The following GRM1 variants were observed in gnomAD, a reference collection of about 807,000 sequenced individuals.
GRM1 encodes glutamate metabotropic receptor 1.
GRM1 carries 33 observed loss-of-function variants against 90.9 expected under a neutral mutation model. The ratio of observed to expected loss-of-function variants is 0.36; its 90% CI spans 0.28 to 0.49. The LOEUF (loss-of-function observed/expected upper bound fraction) is 0.49, where lower values mean the gene tolerates loss of function less well. Among genes scored for constraint, GRM1 ranks in the 20% least tolerant of loss-of-function variants. GRM1 has a pLI of 0.99. For missense variants in GRM1, 1,190 were observed against 1,534.3 expected (o/e 0.78, Z 3.75); for synonymous variants, 700 against 613.2 (o/e 1.14, Z -2.09).
intron 7 of GRM1, chr6:146,426,486 G>T: frequency 2.2e-6 from 3 of 1,381,992 alleles, no homozygotes; most frequent in Non-Finnish European, 3.0e-6. Flanking sequence ...CTGCCTGAGT[G>T]GTGGACTTGC....
chr6:146,091,718 T>C (rs931513271), intron 1 of GRM1, among the ~76,000 whole-genome samples: 1 of 152,100 alleles, frequency 6.6e-6, no homozygotes, highest in African/African-American at 2.4e-5. Context: ...AATGTAGATA[T>C]GGGACTCAGC....
intron 1 of GRM1, among the ~76,000 whole-genome samples, chr6:146,145,705 A>G (rs552108385): frequency 6.6e-6 from 1 of 152,324 alleles, no homozygotes; most frequent in South Asian, 2.1e-4. Context: ...CACTGCAGAG[A>G]TATCCCACTA....
At chr6:146,262,841 C>CATAT (rs201303660) in intron 2 of GRM1, among the ~76,000 whole-genome samples, 23 of 151,156 alleles carry the variant, frequency 1.5e-4, no homozygotes, top group African/African-American at 4.9e-4. Context: ...TAAATGTATA[C>CATAT]ATATATATAT....
At chr6:146,325,191 T>C (rs1784361703) in intron 3 of GRM1, among the ~76,000 whole-genome samples, 1 of 152,168 alleles carries the variant, frequency 6.6e-6, no homozygotes, top group Admixed American at 6.5e-5. Context: ...CTTCTCTGTT[T>C]AAAGGTTTTG....
At chr6:146,049,249 G>A (rs1218051918) in intron 1 of GRM1, among the ~76,000 whole-genome samples, 1 of 151,964 alleles carries the variant, frequency 6.6e-6, no homozygotes, top group Non-Finnish European at 1.5e-5. Context: ...CGGATAGCTG[G>A]TAAAGCATCA....
Position 146,122,839 on chromosome 6 carries a change from C to CTTTTTTTTTTTTTTTTTTTT in GRM1, c.701-36503_701-36484dup, listed in dbSNP as rs57859188. Among the ~76,000 whole-genome samples, 8 of 62,204 alleles carry CTTTTTTTTTTTTTTTTTTTT rather than the reference C, an allele frequency of 1.3e-4. 1 individual carries two copies. The highest frequency in any genetic ancestry group is 2.3e-4 in the Non-Finnish European group (8 of 34,714). 40.8% of individuals were successfully genotyped at this position (62,204 alleles called of 152,430 possible). A position where few individuals can be genotyped will look rare whatever the true frequency, so the allele number is the denominator to read the frequency against. On this transcript the variant is annotated intron_variant, in intron 1 of 7. Transcript: ENST00000282753. Reference sequence around the variant, plus strand: ...TCTTTTTCTTTCTTTTCTTTTCTTTCTTTTTTTTTTTTTTTTTTTTTTTTT... The same window carrying CTTTTTTTTTTTTTTTTTTTT: ...TCTTTTTCTTTCTTTTCTTTTCTTTCTTTTTTTTTTTTTTTTTTTTTTTTTTTTTTTTTTTTTTTTTTTTT...
chr6:146,326,783 T>C (rs917022678), intron 3 of GRM1, among the ~76,000 whole-genome samples: 1 of 152,174 alleles, frequency 6.6e-6, no homozygotes, highest in Non-Finnish European at 1.5e-5. Flanking sequence ...TGCCTGGATG[T>C]GTTTTATGCA....
chr6:146,321,289 A>C (rs185929267), intron 3 of GRM1, among the ~76,000 whole-genome samples: 5 of 152,300 alleles, frequency 3.3e-5, no homozygotes, highest in Non-Finnish European at 7.4e-5. Context: ...GTTTTGAGTG[A>C]GTTTTTTAAT....
At chr6:146,260,969 G>A (rs73783676) in intron 2 of GRM1, among the ~76,000 whole-genome samples, 122 of 151,822 alleles carry the variant, frequency 8.0e-4, no homozygotes, top group Middle Eastern at 3.4e-3. Context: ...GGCAAAAGCC[G>A]GGGTAGAGAC....
At chr6:146,125,601 G>T (rs1383216636) in intron 1 of GRM1, among the ~76,000 whole-genome samples, 1 of 151,822 alleles carries the variant, frequency 6.6e-6, no homozygotes, top group Non-Finnish European at 1.5e-5. Flanking sequence ...TAAGAGTGTA[G>T]GTCTATATGC....
At chr6:146,265,835 T>G (rs1781865388) in intron 2 of GRM1, among the ~76,000 whole-genome samples, 1 of 152,218 alleles carries the variant, frequency 6.6e-6, no homozygotes, top group East Asian at 1.9e-4. Context: ...TGGCTTTACT[T>G]ATGGGTTGTC....
At chr6:146,161,629 T>C (rs1052178087) in intron 2 of GRM1, among the ~76,000 whole-genome samples, 1 of 152,148 alleles carries the variant, frequency 6.6e-6, no homozygotes, top group South Asian at 2.1e-4. Flanking sequence ...AGGACACTGC[T>C]TTCTGTGCTA....
intron 2 of GRM1, among the ~76,000 whole-genome samples, chr6:146,262,669 A>G (rs1781746061): frequency 6.6e-6 from 1 of 151,944 alleles, no homozygotes; most frequent in African/African-American, 2.4e-5. Flanking sequence ...ATACACATAT[A>G]TAAACACAAT....
chr6:146,109,533 G>T (rs1450656792), intron 1 of GRM1, among the ~76,000 whole-genome samples: 1 of 152,260 alleles, frequency 6.6e-6, no homozygotes, highest in East Asian at 1.9e-4. Flanking sequence ...GTAGGGACAG[G>T]GTCCTCATGG....
chr6:146,285,665 C>A (rs1392157916), intron 2 of GRM1, among the ~76,000 whole-genome samples: 3 of 152,164 alleles, frequency 2.0e-5, no homozygotes, highest in Non-Finnish European at 4.4e-5. Flanking sequence ...CCGTTGATTG[C>A]ACTATATTCT....
intron 1 of GRM1, among the ~76,000 whole-genome samples, chr6:146,118,227 C>G (rs147694485): frequency 0.044 from 6,488 of 148,854 alleles, 227 homozygotes; most frequent in East Asian, 0.17. Flanking sequence ...GCAAGCTCCA[C>G]TTCCTGGGTT....
intron 2 of GRM1, among the ~76,000 whole-genome samples, chr6:146,293,688 T>G (rs185622590): frequency 6.6e-6 from 1 of 152,054 alleles, no homozygotes; most frequent in Non-Finnish European, 1.5e-5. Context: ...AGATAACAAT[T>G]ATCTGTTCTA....
chr6:146,396,104 C>CTATCTATCTATT (rs1554307314), intron 6 of GRM1, among the ~76,000 whole-genome samples: 2 of 146,898 alleles, frequency 1.4e-5, no homozygotes, highest in African/African-American at 2.5e-5. Flanking sequence ...ATCTATCTAT[C>CTATCTATCTATT]GTCTATATAT....
At chr6:146,055,696 C>T (rs1405034642) in intron 1 of GRM1, among the ~76,000 whole-genome samples, 2 of 151,946 alleles carry the variant, frequency 1.3e-5, no homozygotes, top group Admixed American at 1.3e-4. Context: ...TAATTTCCCT[C>T]GGCAGCTGTA....
Sources: allele counts gnomAD v4.1 joint callset (sites outside exome capture counted in the v4.1 genomes callset), GRCh38; gene constraint gnomAD v4.1.1; transcripts MANE v1.5; gene names NCBI Gene and HGNC (gene_info 2026-07-23, HGNC 2026-07-21).